Variants in KCTD16 observed in about 807,000 individuals in gnomAD.
KCTD16 encodes the protein BTB/POZ domain-containing protein KCTD16.
KCTD16 carries 13 observed loss-of-function variants against 33.2 expected under a neutral mutation model. The observed-to-expected ratio is 0.39, with a 90% confidence interval of 0.25 to 0.62. The LOEUF (loss-of-function observed/expected upper bound fraction) is 0.62, where lower values mean the gene tolerates loss of function less well. Among genes scored for constraint, KCTD16 ranks in the 20% least tolerant of loss-of-function variants. The pLI, the probability that KCTD16 is intolerant of heterozygous loss-of-function variation, is 0.50. For missense variants in KCTD16, 441 were observed against 525.1 expected, an observed-to-expected ratio of 0.84 and a Z score of 1.57; for synonymous variants, 197 against 195.3, an observed-to-expected ratio of 1.01 and a Z score of -0.07.
chr5:144,241,609 GA>G (rs1754406235), intron 3 of KCTD16, among the ~76,000 whole-genome samples: 1 of 152,126 alleles, frequency 6.6e-6, no homozygotes, highest in Non-Finnish European at 1.5e-5. Flanking sequence ...CTCCCCTGTT[GA>G]ATACAGTGAT....
intron 3 of KCTD16, among the ~76,000 whole-genome samples, chr5:144,434,760 T>C (rs1255334018): frequency 2.6e-5 from 4 of 152,174 alleles, no homozygotes; most frequent in Non-Finnish European, 5.9e-5. Flanking sequence ...TAGAGGTGGT[T>C]ATTATCACTG....
intron 3 of KCTD16, among the ~76,000 whole-genome samples, chr5:144,328,318 A>T (rs73295859): frequency 0.023 from 3,449 of 152,246 alleles, 143 homozygotes; most frequent in African/African-American, 0.078. Context: ...GTGGTTGTGA[A>T]TTCACTAGGC....
At position 144,229,533 on chromosome 5, in the gene KCTD16, C is replaced by T. The variant is rs572352564; in HGVS notation, c.832+21987C>T. 3.3e-5 allele frequency among the ~76,000 whole-genome samples: 5 copies of T among 152,204 alleles called. 1 individual carries two copies. The East Asian group carries it at 5.8e-4, about 18-fold the overall frequency. ...ACTCAAAGATCACCTATGTGGCTAT[C>T]GAAAGGGCCACAAATTATATTATTT... On this transcript the variant is annotated intron_variant, in intron 3 of 3. Coordinates refer to ENST00000512467, the MANE Select transcript of KCTD16 (RefSeq NM_020768.4).
intron 3 of KCTD16, among the ~76,000 whole-genome samples, chr5:144,213,175 A>G (rs1245574465): frequency 6.6e-6 from 1 of 152,076 alleles, no homozygotes; most frequent in African/African-American, 2.4e-5. Flanking sequence ...AGTTGGTTTG[A>G]ATCAAGATGC....
chr5:144,232,235 C>T (rs1437330828), intron 3 of KCTD16, among the ~76,000 whole-genome samples: 1 of 152,138 alleles, frequency 6.6e-6, no homozygotes, highest in Non-Finnish European at 1.5e-5. Context: ...CTATTTTTCC[C>T]TTGTAAATCA....
chr5:144,292,310 A>G (rs571924485), intron 3 of KCTD16, among the ~76,000 whole-genome samples: 19 of 152,318 alleles, frequency 1.2e-4, no homozygotes, highest in African/African-American at 3.8e-4. Context: ...CCAGGATACT[A>G]TTGAGCAGAG....
At position 144,207,482 on chromosome 5, in the gene KCTD16, A is replaced by G. The variant is rs367855290; in HGVS notation, c.768A>G (p.Ala256=). ...TGGCCTGTAACTCATCGGTGACAGC[A>G]TCTTTCATCAACCAATATACAGATG... ...HMVACNSSVT[A]SFINQYTDDK... is the part of the protein sequence containing the mutation. Residue 256 remains alanine (A), a synonymous_variant, in exon 3 of 4, where the codon GCA becomes GCG. Coordinates refer to ENST00000512467, the MANE Select transcript of KCTD16 (RefSeq NM_020768.4). 88 of 1,614,106 alleles carry G rather than the reference A, an allele frequency of 5.5e-5. No individual in the cohort carries two copies. Among genetic ancestry groups the G allele is most frequent in the Non-Finnish European group, 7.4e-5 (87 of 1,180,054 alleles).
rs994469485 is a variant in KCTD16, at chr5:144,257,590, G to A, written c.832+50044G>A. Among the ~76,000 whole-genome samples the A allele has an allele frequency of 4.6e-5, 7 of 151,862 alleles. No individual in the cohort carries two copies. The East Asian group carries it at 1.2e-3, about 25-fold the overall frequency. On this transcript the variant is annotated intron_variant, in intron 3 of 3. Transcript: ENST00000512467. ...TGCAAGCTCCGCCTCCTGGGTTCACGCCATTCTCCTGCCTCAGCCTCCCGA... is the reference window on the plus strand; with the variant it reads ...TGCAAGCTCCGCCTCCTGGGTTCACACCATTCTCCTGCCTCAGCCTCCCGA...
intron 3 of KCTD16, among the ~76,000 whole-genome samples, chr5:144,260,266 A>G (rs1285808194): frequency 6.6e-6 from 1 of 152,226 alleles, no homozygotes; most frequent in African/African-American, 2.4e-5. Flanking sequence ...GATGCACTCA[A>G]GAATGAGCTG....
At chr5:144,376,069 T>C (rs1752086231) in intron 3 of KCTD16, among the ~76,000 whole-genome samples, 1 of 152,062 alleles carries the variant, frequency 6.6e-6, no homozygotes, top group Non-Finnish European at 1.5e-5. Flanking sequence ...AAGTGATTGG[T>C]CCGCCTCGAC....
At position 144,484,478 on chromosome 5, in the gene KCTD16, C is replaced by T. The variant is rs989898528; in HGVS notation, c.*10364C>T. 1.3e-5 allele frequency: 2 copies of T among 151,926 alleles called. No homozygotes were observed. Among genetic ancestry groups the T allele is most frequent in the African/African-American group, 2.4e-5 (1 of 41,424 alleles). The allele number at this position is 151,926 out of a possible 1,614,324, so 9.4% of individuals were successfully genotyped here. On this transcript the variant is annotated 3_prime_UTR_variant, in exon 4 of 4. Coordinates refer to ENST00000512467, the MANE Select transcript of KCTD16 (RefSeq NM_020768.4). ...AGAGCACTGGGTCGAACCTAACCCA[C>T]AAAATAATTCGTCCAAATTAAATTG...
intron 3 of KCTD16, among the ~76,000 whole-genome samples, chr5:144,299,134 ATATATATATATATATTTTTTTT>A (rs1561558730): frequency 3.4e-5 from 1 of 29,786 alleles, no homozygotes; most frequent in African/African-American, 3.7e-4. Context: ...ATATATATAT[ATATATATATATATATTTTTTTT>A]TTTTTTTTTA....
At chr5:144,172,313 G>C (rs1470422715) in intron 1 of KCTD16, among the ~76,000 whole-genome samples, 1 of 152,140 alleles carries the variant, frequency 6.6e-6, no homozygotes, top group Non-Finnish European at 1.5e-5. Context: ...ATATTTATGA[G>C]ATAAATGTGA....
intron 3 of KCTD16, among the ~76,000 whole-genome samples, chr5:144,242,877 C>T (rs1754443396): frequency 6.6e-6 from 1 of 152,168 alleles, no homozygotes; most frequent in Admixed American, 6.5e-5. Flanking sequence ...GACCTAAGAC[C>T]TCCCATTGGG....
chr5:144,255,479 C>G (rs1580823818), intron 3 of KCTD16, among the ~76,000 whole-genome samples: 1 of 152,168 alleles, frequency 6.6e-6, no homozygotes, highest in East Asian at 1.9e-4. Context: ...CTTCCACATC[C>G]TTGCCAACAC....
intron 2 of KCTD16, among the ~76,000 whole-genome samples, chr5:144,189,770 T>C (rs1271029463): frequency 1.3e-5 from 2 of 152,208 alleles, no homozygotes; most frequent in Non-Finnish European, 2.9e-5. Flanking sequence ...TCCCTTATAT[T>C]GGTCATCTCA....
At chr5:144,387,870 C>G (rs747247454) in intron 3 of KCTD16, among the ~76,000 whole-genome samples, 1 of 152,206 alleles carries the variant, frequency 6.6e-6, no homozygotes, top group Non-Finnish European at 1.5e-5. Context: ...GCCCCTTCCC[C>G]CTTTTTAACT....
At chr5:144,278,056 A>G (rs1755486394) in intron 3 of KCTD16, among the ~76,000 whole-genome samples, 1 of 152,140 alleles carries the variant, frequency 6.6e-6, no homozygotes, top group South Asian at 2.1e-4. Context: ...GTTTTCTTTT[A>G]TGGGCTGTGC....
At chr5:144,450,998 A>G (rs1322356260) in intron 3 of KCTD16, among the ~76,000 whole-genome samples, 4 of 152,166 alleles carry the variant, frequency 2.6e-5, no homozygotes, top group African/African-American at 9.6e-5. Context: ...ACAAAAGAAC[A>G]CAAGGAAATT....
Sources: gnomAD v4.1 joint callset for allele counts (sites outside exome capture counted in the v4.1 genomes callset) on GRCh38, gnomAD v4.1.1 for gene constraint, MANE v1.5 for transcripts, NCBI Gene and HGNC (gene_info 2026-07-23, HGNC 2026-07-21) for gene names.